The following TCF3 variants were observed in gnomAD, a reference collection of about 807,000 sequenced individuals.
TCF3 encodes transcription factor 3, also known as transcription factor E2-alpha.
A neutral mutation model predicts 72.3 loss-of-function variants in TCF3; 54 were observed. The observed-to-expected ratio is 0.75, with a 90% confidence interval of 0.60 to 0.94. The LOEUF is 0.94. Among genes scored for constraint, TCF3 ranks in the 40% least tolerant of loss-of-function variants. The pLI, the probability that TCF3 is intolerant of heterozygous loss-of-function variation, is 0.00. For missense variants in TCF3, 1,078 were observed against 934.4 expected (o/e 1.15, Z -2.00); for synonymous variants, 525 against 412.6 (o/e 1.27, Z -3.30).
At chr19:1,613,195 G>A (rs1002184896) in intron 18 of TCF3, among the ~76,000 whole-genome samples, 3 of 152,182 alleles carry the variant, frequency 2.0e-5, no homozygotes, top group Non-Finnish European at 2.9e-5. Flanking sequence ...GCTTCTCTGT[G>A]CACGCGGCGA....
chr19:1,617,574 CCT>C (rs1001253985), intron 16 of TCF3, among the ~76,000 whole-genome samples: 20 of 152,232 alleles, frequency 1.3e-4, no homozygotes, highest in African/African-American at 2.2e-4. Flanking sequence ...GCTGCCATCC[CCT>C]GAGACCCCCG....
At chr19:1,619,648 C>A in intron 14 of TCF3, 132 bp downstream of exon 14, 1 of 1,259,996 alleles carries the variant, frequency 7.9e-7, no homozygotes, top group Non-Finnish European at 1.1e-6. Flanking sequence ...TGTGCCTTGG[C>A]GGCCACGAGG....
intron 2 of TCF3, among the ~76,000 whole-genome samples, chr19:1,648,155 T>C (rs1446746926): frequency 6.6e-6 from 1 of 152,136 alleles, no homozygotes; most frequent in Non-Finnish European, 1.5e-5. Flanking sequence ...TTCTCCCTCG[T>C]ATTTATTTGG....
At chr19:1,625,749 C>T (rs1427258106) in intron 6 of TCF3, 41 bp from the exon 7 acceptor site, 1 of 1,463,872 alleles carries the variant, frequency 6.8e-7, no homozygotes, top group Non-Finnish European at 9.0e-7. Flanking sequence ...CAGCTGGCAT[C>T]CAGACCCCAG....
chr19:1,611,440 C>T lies in TCF3; in HGVS notation c.*267G>A. 1 of 425,918 alleles carries T rather than the reference C, an allele frequency of 2.3e-6. No individual in the cohort carries two copies. Among genetic ancestry groups the T allele is most frequent in the East Asian group, 3.5e-5 (1 of 28,938 alleles). The allele number at this position is 425,918 out of a possible 1,614,324, so 26.4% of individuals were successfully genotyped here. On this transcript the variant is annotated 3_prime_UTR_variant, in exon 19 of 19. Transcript: ENST00000262965. ...AGATGCAGTTTCAGGATCCATGGGA[C>T]AGGTCACAGAGTGACACGGTGGCTG...
At position 1,615,057 on chromosome 19, in the gene TCF3, C is replaced by T. The variant is rs113864369; in HGVS notation, c.1822+228G>A. 1.3e-5 allele frequency among the ~76,000 whole-genome samples: 2 copies of T among 152,156 alleles called. No homozygotes were observed. The highest frequency in any genetic ancestry group is 4.8e-5 in the African/African-American group (2 of 41,436). Reference sequence around the variant, plus strand: ...CTAGGGGTCCAGAAAGAGTCCAGTCCTCCCACTGTGGAGGGGATGCTGAGG... The same window carrying T: ...CTAGGGGTCCAGAAAGAGTCCAGTCTTCCCACTGTGGAGGGGATGCTGAGG... On this transcript the variant is annotated intron_variant, in intron 18 of 18. Transcript: ENST00000262965. The surrounding 1 kb of genome is among the most constrained non-coding windows in gnomAD (Gnocchi z 7.3).
In TCF3 at chr19:1,620,999, A is replaced by G. The variant is rs11882821; in HGVS notation, c.1062T>C (p.Ser354=). 4,058 of 1,515,540 alleles carry G rather than the reference A, an allele frequency of 2.7e-3. 100 individuals are homozygous for G. In the African/African-American group the frequency reaches 0.051, roughly 19 times the overall value. The allele number at this position is 1,515,540 out of a possible 1,614,324, so 93.9% of individuals were successfully genotyped here. The change falls in exon 13 of 19, where the codon TCT becomes TCC. Residue 354 remains serine, a synonymous_variant. Coordinates refer to ENST00000262965, the MANE Select transcript of TCF3 (RefSeq NM_003200.5). ...GGCCCTGGGGGGAGCCCACGGGGGT[A>G]GAAGGGCTGGACGAGAAGTTATTGC... The part of the protein sequence containing the change: ...HSSNNFSSSP[S]TPVGSPQGLA...
At chr19:1,635,186 T>C (rs2064228512) in intron 3 of TCF3, among the ~76,000 whole-genome samples, 1 of 152,206 alleles carries the variant, frequency 6.6e-6, no homozygotes, top group African/African-American at 2.4e-5. Flanking sequence ...CTTCATCCTA[T>C]AGCCCCAGCT....
At chr19:1,642,634 C>A in intron 3 of TCF3, among the ~76,000 whole-genome samples, 1 of 152,206 alleles carries the variant, frequency 6.6e-6, no homozygotes, top group Non-Finnish European at 1.5e-5. Flanking sequence ...AGGACACGAT[C>A]TTTGTCACCT....
chr19:1,635,405 C>A, intron 3 of TCF3, among the ~76,000 whole-genome samples: 1 of 152,042 alleles, frequency 6.6e-6, no homozygotes, highest in East Asian at 1.9e-4. Context: ...CCTCCCTCTA[C>A]CCTCTCTCAT....
At chr19:1,616,962 G>A (rs1198031354) in intron 16 of TCF3, among the ~76,000 whole-genome samples, 2 of 152,158 alleles carry the variant, frequency 1.3e-5, no homozygotes, top group Non-Finnish European at 2.9e-5. Context: ...AAGTAACTCA[G>A]TAGAAAAATA....
chr19:1,618,819 T>C (rs1019412432), intron 16 of TCF3, among the ~76,000 whole-genome samples: 6 of 152,104 alleles, frequency 3.9e-5, no homozygotes, highest in Non-Finnish European at 7.4e-5. Flanking sequence ...GGCAGAGGCA[T>C]CCTGCTGCAC....
At chr19:1,645,543 C>T (rs2065959101) in intron 3 of TCF3, among the ~76,000 whole-genome samples, 2 of 152,356 alleles carry the variant, frequency 1.3e-5, no homozygotes, top group South Asian at 4.1e-4. Context: ...CTGGCAAATT[C>T]CTCCCCTCAT....
chr19:1,618,587 A>C (rs2061804263), intron 16 of TCF3, among the ~76,000 whole-genome samples: 1 of 140,358 alleles, frequency 7.1e-6, no homozygotes, highest in South Asian at 2.3e-4. Context: ...GGTGCAGTCC[A>C]GCCCCAGGGC....
At chr19:1,612,654 T>G (rs1452628932) in intron 18 of TCF3, among the ~76,000 whole-genome samples, 3 of 149,788 alleles carry the variant, frequency 2.0e-5, no homozygotes, top group African/African-American at 7.4e-5. Context: ...CTGGTGTTGG[T>G]GTGGGCAGCA....
chr19:1,621,080 G>T (rs763852327), intron 12 of TCF3, 34 bp from the exon 13 acceptor site: 27 of 1,519,810 alleles, frequency 1.8e-5, no homozygotes, highest in Non-Finnish European at 2.3e-5. Context: ...GGGCGGTCAG[G>T]GGCCGGCCTC....
At chr19:1,648,820 G>C (rs902414943) in intron 2 of TCF3, among the ~76,000 whole-genome samples, 10 of 106,834 alleles carry the variant, frequency 9.4e-5, no homozygotes, top group African/African-American at 2.1e-4. Context: ...CTGGGCATGG[G>C]GGGGGGGGGG....
At chr19:1,625,213 G>A (rs1484380113) in intron 7 of TCF3, among the ~76,000 whole-genome samples, 2 of 152,252 alleles carry the variant, frequency 1.3e-5, no homozygotes, top group East Asian at 1.9e-4. Flanking sequence ...GCCCGAGGCT[G>A]TGACGTGCCT....
rs1405151289 is a variant in TCF3, at chr19:1,614,991, G to A, written c.1822+294C>T. ...CGGCGAGTGGGAGCCCCGTGGAGCT[G>A]GGAGATACAGTTCTGAGCCACAGAG... is the stretch of plus-strand genomic sequence containing the variant. On this transcript the variant is annotated intron_variant, in intron 18 of 18. Coordinates refer to ENST00000262965, the MANE Select transcript of TCF3 (RefSeq NM_003200.5). This position sits in a 1 kb window ranked among gnomAD's most constrained non-coding sequence, Gnocchi z 5.6. 6.6e-6 allele frequency among the ~76,000 whole-genome samples: 1 copy of A among 152,126 alleles called. No homozygotes were observed. The highest frequency in any genetic ancestry group is 1.5e-5 in the Non-Finnish European group (1 of 68,022).
Sources: allele counts gnomAD v4.1 joint callset (sites outside exome capture counted in the v4.1 genomes callset), GRCh38; gene constraint gnomAD v4.1.1; non-coding constraint Gnocchi (gnomAD v3.1); transcripts MANE v1.5; gene names NCBI Gene and HGNC (gene_info 2026-07-23, HGNC 2026-07-21).